GATAD2A: variants seen among roughly 807,000 people sequenced by gnomAD.
GATAD2A encodes GATA zinc finger domain containing 2A.
A neutral mutation model predicts 68.5 loss-of-function variants in GATAD2A; 12 were observed. The observed-to-expected ratio is 0.18, with a 90% CI of 0.11 to 0.28. The LOEUF is 0.28. GATAD2A is among the 10% of genes least tolerant of loss of function. The pLI is 1.00. For missense variants in GATAD2A, 755 were observed against 868.5 expected (o/e 0.87, Z 1.64); for synonymous variants, 410 against 375.3 (o/e 1.09, Z -1.07).
At chr19:19,474,639 C>T (rs1466863794) in intron 2 of GATAD2A, among the ~76,000 whole-genome samples, 1 of 152,186 alleles carries the variant, frequency 6.6e-6, no homozygotes, top group Non-Finnish European at 1.5e-5. Context: ...TGAGCACCCG[C>T]TGCTGTGCAA....
Position 19,492,729 on chromosome 19 carries a change from C to T in GATAD2A, c.534+17C>T, listed in dbSNP as rs1157421953. On this transcript the variant is annotated intron_variant, in intron 4 of 11. Coordinates refer to ENST00000683918, the MANE Select transcript of GATAD2A (RefSeq NM_001384528.1). ...GCCCAGAAGGTGCGTGCCTGTCTCC[C>T]CTCCTTCCTGGGCCAGCAGGAGCGC... The T allele has an allele frequency of 7.4e-6, 12 of 1,613,498 alleles. No homozygotes were observed. Among genetic ancestry groups the T allele is most frequent in the Admixed American group, 1.7e-5 (1 of 59,978 alleles).
chr19:19,404,248 CAGAAAAACAATTTTTTTTTTTTTT>C (rs2049994780), upstream of GATAD2A, among the ~76,000 whole-genome samples: 1 of 148,970 alleles, frequency 6.7e-6, no homozygotes, highest in Admixed American at 6.7e-5. Flanking sequence ...GGACATACAG[CAGAAAAACAATTTTTTTTTTTTTT>C]AGAAAAACAA....
intron 1 of GATAD2A, among the ~76,000 whole-genome samples, chr19:19,424,952 A>C (rs1303508736): frequency 5.3e-5 from 8 of 151,944 alleles, no homozygotes; most frequent in Non-Finnish European, 8.8e-5. Flanking sequence ...CATCTCTACA[A>C]AAAATAAAAA....
At chr19:19,403,640 T>C (rs1214880375), upstream of GATAD2A, among the ~76,000 whole-genome samples, 1 of 152,156 alleles carries the variant, frequency 6.6e-6, no homozygotes, top group Non-Finnish European at 1.5e-5. Flanking sequence ...TGTATATCTG[T>C]CTCAAGTGTC....
At chr19:19,471,252 CAAA>C (rs536811641) in intron 2 of GATAD2A, among the ~76,000 whole-genome samples, 58 of 105,466 alleles carry the variant, frequency 5.5e-4, no homozygotes, top group Middle Eastern at 0.011. Flanking sequence ...AAGACTGTCT[CAAA>C]AAAAAAAAAA....
intron 2 of GATAD2A, among the ~76,000 whole-genome samples, chr19:19,477,375 G>A (rs1235219988): frequency 1.3e-5 from 2 of 152,122 alleles, no homozygotes; most frequent in Non-Finnish European, 2.9e-5. Context: ...GGGTTCATGC[G>A]ACTGAGACTT....
chr19:19,490,276 G>T (rs1312055336), intron 2 of GATAD2A, among the ~76,000 whole-genome samples: 1 of 152,270 alleles, frequency 6.6e-6, no homozygotes, highest in South Asian at 2.1e-4. Flanking sequence ...AAGTAAAGCG[G>T]TTCCTGAGTC....
At chr19:19,391,364 C>T (rs1599958792) in intron 1 of GATAD2A, among the ~76,000 whole-genome samples, 1 of 152,144 alleles carries the variant, frequency 6.6e-6, no homozygotes, top group East Asian at 1.9e-4. Context: ...TTCATGCACA[C>T]ATATATAGAC....
intron 1 of GATAD2A, among the ~76,000 whole-genome samples, chr19:19,455,846 A>G (rs1236781631): frequency 1.3e-5 from 2 of 152,106 alleles, no homozygotes; most frequent in Non-Finnish European, 2.9e-5. Context: ...TTTACTGTGT[A>G]GCATTTTAAG....
chr19:19,489,135 C>G (rs2059623107), intron 2 of GATAD2A, among the ~76,000 whole-genome samples: 1 of 152,206 alleles, frequency 6.6e-6, no homozygotes, highest in Non-Finnish European at 1.5e-5. Context: ...GTGAGCTTAA[C>G]AAAGTTTTTC....
Position 19,451,997 on chromosome 19 carries a change from C to T in GATAD2A, c.-6-13343C>T, listed in dbSNP as rs542358675. 4.7e-3 allele frequency among the ~76,000 whole-genome samples: 719 copies of T among 152,252 alleles called. 2 individuals carry two copies. The highest frequency in any genetic ancestry group is 0.017 in the South Asian group (84 of 4,822). ...GGGATTATAGGCGTGAGCCACTGCT[C>T]CTGGCCAGAAAGATGTTTTCTGAGA... On this transcript the variant is annotated intron_variant, in intron 1 of 11. Transcript: ENST00000683918.
intron 2 of GATAD2A, among the ~76,000 whole-genome samples, chr19:19,477,914 A>G (rs1174191650): frequency 6.6e-6 from 1 of 152,218 alleles, no homozygotes; most frequent in African/African-American, 2.4e-5. Context: ...CCACAGCCAT[A>G]GGGCGTCGCC....
Position 19,494,280 on chromosome 19 carries a change from C to A in GATAD2A, c.535-14C>A. The A allele has an allele frequency of 6.4e-7, 1 of 1,566,078 alleles. No homozygotes were observed. On this transcript the variant is annotated splice_polypyrimidine_tract_variant and intron_variant, in intron 4 of 11. Transcript: ENST00000683918. The stretch of plus-strand genomic sequence containing the variant: ...CGGTGGCCCCTCACCTCCTGGTGTC[C>A]TGCTCTCTTGCAGCCCACAGGTTCT...
At chr19:19,467,106 T>G (rs1229494691) in intron 2 of GATAD2A, among the ~76,000 whole-genome samples, 1 of 152,324 alleles carries the variant, frequency 6.6e-6, no homozygotes, top group East Asian at 1.9e-4. Context: ...CTGGGCGCGG[T>G]GACTCACGCC....
intron 1 of GATAD2A, among the ~76,000 whole-genome samples, chr19:19,456,682 G>A (rs2056970077): frequency 6.6e-6 from 1 of 152,186 alleles, no homozygotes; most frequent in African/African-American, 2.4e-5. Flanking sequence ...AACACCAAAA[G>A]GTTTGCTCTC....
intron 10 of GATAD2A, 39 bp downstream of exon 10, chr19:19,502,082 A>G (rs1422546527): frequency 7.4e-6 from 11 of 1,478,088 alleles, no homozygotes; most frequent in Non-Finnish European, 1.0e-5. Flanking sequence ...TCGCGCCCCC[A>G]CCGCAGCCCG....
intron 5 of GATAD2A, 36 bp downstream of exon 5, chr19:19,494,419 C>A (rs771131152): frequency 1.6e-6 from 2 of 1,278,680 alleles, no homozygotes; most frequent in Admixed American, 3.4e-5. Context: ...GGGTGCCCTG[C>A]TGGCACTGCT....
At chr19:19,464,117 G>C (rs1299917282) in intron 1 of GATAD2A, among the ~76,000 whole-genome samples, 1 of 152,184 alleles carries the variant, frequency 6.6e-6, no homozygotes, top group Non-Finnish European at 1.5e-5. Flanking sequence ...GTTTGCCAGT[G>C]AGGAAACTAA....
intron 8 of GATAD2A, among the ~76,000 whole-genome samples, chr19:19,499,237 A>C (rs1290812927): frequency 6.6e-6 from 1 of 152,212 alleles, no homozygotes; most frequent in South Asian, 2.1e-4. Context: ...CTACGGGGTG[A>C]TCACAGCATT....
Sources: allele counts gnomAD v4.1 joint callset (sites outside exome capture counted in the v4.1 genomes callset), GRCh38; gene constraint gnomAD v4.1.1; transcripts MANE v1.5; gene names NCBI Gene and HGNC (gene_info 2026-07-23, HGNC 2026-07-21).